SP140L: variants seen among roughly 807,000 people sequenced by gnomAD.
SP140L encodes the protein nuclear body protein SP140-like protein.
Under a neutral mutation model 84.3 loss-of-function variants are expected in SP140L, and 64 were observed. The observed-to-expected ratio is 0.76, with a 90% CI of 0.62 to 0.94. The LOEUF (loss-of-function observed/expected upper bound fraction) is 0.94, where lower values mean the gene tolerates loss of function less well. SP140L is among the 40% of genes least tolerant of loss of function. The pLI, the probability that SP140L is intolerant of heterozygous loss-of-function variation, is 0.00. For synonymous variants in SP140L, 242 were observed against 236.9 expected (o/e 1.02, Z -0.20); for missense variants, 628 against 692.5 (o/e 0.91, Z 1.05).
chr2:230,396,944 C>A, intron 14 of SP140L, 146 bp downstream of exon 14: 1 of 948,904 alleles, frequency 1.1e-6, no homozygotes, highest in Non-Finnish European at 1.6e-6. Context: ...ATCACCCAAG[C>A]CAGGTAGATG....
At chr2:230,398,319 A>C (rs1318657332) in intron 14 of SP140L, among the ~76,000 whole-genome samples, 2 of 152,234 alleles carry the variant, frequency 1.3e-5, no homozygotes, top group East Asian at 3.8e-4. Flanking sequence ...TACTCTCCTG[A>C]GATGAGTCTA....
chr2:230,361,649 C>T lies in SP140L; in HGVS notation c.475C>T (p.Arg159Ter), dbSNP rs373078245. The T allele has an allele frequency of 1.4e-5, 22 of 1,562,572 alleles. No individual in the cohort carries two copies. The highest frequency in any genetic ancestry group is 2.7e-5 in the African/African-American group (2 of 73,598). The change falls in exon 5 of 19, where the codon CGA becomes TGA. Residue 159 changes from arginine (R) to a stop codon, truncating the protein, a stop_gained. Coordinates refer to ENST00000415673, the MANE Select transcript of SP140L (RefSeq NM_138402.6). LOFTEE classifies it high-confidence loss of function. Reference protein sequence around the residue: ...QDKLSFQESDRKEREERPDIK... With the variant: ...QDKLSFQESD ...CAAATTGTCTTTCCAAGAAAGTGAT[C>T]GAAAAGAAAGGGAAGAGAGGCCTGA...
intron 6 of SP140L, 97 bp from the exon 7 acceptor site, chr2:230,371,501 T>C: frequency 8.9e-7 from 1 of 1,122,446 alleles, no homozygotes; most frequent in Non-Finnish European, 1.3e-6. Context: ...ACCAAACATC[T>C]TTATAAACTC....
intron 2 of SP140L, among the ~76,000 whole-genome samples, chr2:230,336,535 A>G (rs947330252): frequency 6.6e-6 from 1 of 152,244 alleles, no homozygotes; most frequent in Non-Finnish European, 1.5e-5. Flanking sequence ...TAGAAGAGTG[A>G]GTACCTCATA....
chr2:230,390,157 A>T, intron 11 of SP140L, 134 bp downstream of exon 11: 4 of 735,786 alleles, frequency 5.4e-6, no homozygotes, highest in Non-Finnish European at 9.0e-6. Flanking sequence ...GGAGGAAGGG[A>T]TCCCTAAGAT....
intron 2 of SP140L, among the ~76,000 whole-genome samples, chr2:230,337,920 A>G (rs1322783571): frequency 6.6e-6 from 1 of 151,748 alleles, no homozygotes; most frequent in Non-Finnish European, 1.5e-5. Context: ...GTTTGAAGTC[A>G]GGTAGCATGA....
intron 2 of SP140L, among the ~76,000 whole-genome samples, chr2:230,330,609 A>G (rs1460546635): frequency 6.6e-6 from 1 of 152,218 alleles, no homozygotes; most frequent in Non-Finnish European, 1.5e-5. Context: ...GCTCACGTAT[A>G]TGATTAGTTT....
At chr2:230,338,797 T>C (rs2149686977) in intron 2 of SP140L, among the ~76,000 whole-genome samples, 1 of 142,554 alleles carries the variant, frequency 7.0e-6, no homozygotes, top group African/African-American at 2.7e-5. Flanking sequence ...CTGGATTACA[T>C]TTATTGATTT....
At chr2:230,371,554 A>G in intron 6 of SP140L, 44 bp from the exon 7 acceptor site, 1 of 1,468,544 alleles carries the variant, frequency 6.8e-7, no homozygotes, top group Non-Finnish European at 9.4e-7. Context: ...TATAACTTTT[A>G]TTTATTAATT....
intron 3 of SP140L, 21 bp downstream of exon 3, chr2:230,357,988 A>T: frequency 1.2e-6 from 2 of 1,610,974 alleles, no homozygotes; most frequent in Non-Finnish European, 8.5e-7. Flanking sequence ...TTTATTTCAC[A>T]ACCTGGCAGA....
At chr2:230,337,064 G>T (rs987255146) in intron 2 of SP140L, among the ~76,000 whole-genome samples, 1 of 152,124 alleles carries the variant, frequency 6.6e-6, no homozygotes, top group Non-Finnish European at 1.5e-5. Context: ...TTGAGGAATC[G>T]CCACACTGAC....
At chr2:230,396,632 C>A in intron 13 of SP140L, 125 bp from the exon 14 acceptor site, 1 of 1,168,690 alleles carries the variant, frequency 8.6e-7, no homozygotes, top group Non-Finnish European at 1.2e-6. Flanking sequence ...CCTTCATCTC[C>A]TCCCAATTAT....
chr2:230,357,946 C>T lies in SP140L; in HGVS notation c.249C>T (p.Leu83=), dbSNP rs61733462. ...TTGAGGGCCTCCGCGATCGGGAACT[C>T]ATCACAAATAAAATGTTTGAAGTAA... ...PFLEGLRDRE[L]ITNKMFEDSE... is the part of the protein sequence containing the mutation. The change falls in exon 3 of 19, where the codon CTC becomes CTT. Residue 83 remains leucine (L), a synonymous_variant. Transcript: ENST00000415673. 6,534 of 1,613,286 alleles carry T rather than the reference C, an allele frequency of 4.1e-3. 20 individuals carry two copies. The highest frequency in any genetic ancestry group is 5.2e-3 in the Non-Finnish European group (6,099 of 1,179,698).
intron 7 of SP140L, among the ~76,000 whole-genome samples, chr2:230,377,284 G>A (rs2061271589): frequency 6.6e-6 from 1 of 152,098 alleles, no homozygotes; most frequent in Non-Finnish European, 1.5e-5. Flanking sequence ...GAGTAAATGG[G>A]AATACAGGCA....
At chr2:230,334,501 TC>T (rs1272943225) in intron 2 of SP140L, among the ~76,000 whole-genome samples, 3 of 152,224 alleles carry the variant, frequency 2.0e-5, no homozygotes, top group Non-Finnish European at 4.4e-5. Flanking sequence ...AGATCGATTA[TC>T]TAATGTGATT....
intron 9 of SP140L, among the ~76,000 whole-genome samples, chr2:230,385,985 G>A (rs1040729817): frequency 3.9e-5 from 6 of 152,168 alleles, no homozygotes; most frequent in Admixed American, 3.3e-4. Context: ...AGGTGCAGCC[G>A]TGAAATGACA....
At chr2:230,331,009 G>C (rs1486498950) in intron 2 of SP140L, among the ~76,000 whole-genome samples, 1 of 152,092 alleles carries the variant, frequency 6.6e-6, no homozygotes, top group Non-Finnish European at 1.5e-5. Flanking sequence ...CTCAGTGCTT[G>C]TGTTCAGAGA....
chr2:230,393,912 G>A (rs964126651), intron 13 of SP140L, among the ~76,000 whole-genome samples: 9 of 152,120 alleles, frequency 5.9e-5, no homozygotes, highest in African/African-American at 2.2e-4. Flanking sequence ...ACAGTCACTT[G>A]AGACATGTAT....
At chr2:230,382,898 A>T (rs1395646084) in intron 7 of SP140L, among the ~76,000 whole-genome samples, 1 of 152,252 alleles carries the variant, frequency 6.6e-6, no homozygotes, top group Non-Finnish European at 1.5e-5. Context: ...TAAAGGGCAC[A>T]TCAGACTGCA....
Sources: allele counts gnomAD v4.1 joint callset (sites outside exome capture counted in the v4.1 genomes callset), GRCh38; gene constraint gnomAD v4.1.1; transcripts MANE v1.5; gene names NCBI Gene and HGNC (gene_info 2026-07-23, HGNC 2026-07-21).